Variants in TTC7B observed in about 807,000 individuals in gnomAD.
TTC7B encodes the protein tetratricopeptide repeat protein 7B.
A neutral mutation model predicts 106.8 loss-of-function variants in TTC7B; 28 were observed. That is an observed-to-expected ratio of 0.26 (90% CI 0.19 to 0.36). The LOEUF is 0.36. Among genes scored for constraint, TTC7B ranks in the 10% least tolerant of loss-of-function variants. The pLI, the probability that TTC7B is intolerant of heterozygous loss-of-function variation, is 1.00. For synonymous variants in TTC7B, 405 were observed against 430.6 expected (o/e 0.94, Z 0.74); for missense variants, 862 against 1,076.4 (o/e 0.80, Z 2.79).
chr14:90,810,989 G>A (rs1447340273), intron 1 of TTC7B, among the ~76,000 whole-genome samples: 1 of 152,206 alleles, frequency 6.6e-6, no homozygotes, highest in Non-Finnish European at 1.5e-5. Flanking sequence ...ATAAGGACAT[G>A]CTGGAAAGGT....
chr14:90,719,904 T>C (rs1888822286), intron 5 of TTC7B, among the ~76,000 whole-genome samples: 1 of 152,220 alleles, frequency 6.6e-6, no homozygotes, highest in Non-Finnish European at 1.5e-5. Flanking sequence ...TTGAGGATTC[T>C]TTTGGGTCTA....
chr14:90,749,598 T>C (rs759462329), intron 3 of TTC7B, among the ~76,000 whole-genome samples: 4 of 151,738 alleles, frequency 2.6e-5, no homozygotes, highest in Non-Finnish European at 5.9e-5. Flanking sequence ...AGAGATGGGG[T>C]TTCTCCATGT....
At position 90,600,836 on chromosome 14, in the gene TTC7B, C is replaced by T. The variant is rs1214323852; in HGVS notation, c.1967-7210G>A. On this transcript the variant is annotated intron_variant, in intron 17 of 19. Transcript: ENST00000328459. The surrounding 1 kb of genome is among the most constrained non-coding windows in gnomAD (Gnocchi z 4.3). ...GGTGGCTCTGCGCTAGAGACAGTAC[C>T]TTCTGGAGGACTACATTGGGCAGAT... Among the ~76,000 whole-genome samples the T allele has an allele frequency of 6.6e-6, 1 of 152,208 alleles. No homozygotes were observed. Among genetic ancestry groups the T allele is most frequent in the Non-Finnish European group, 1.5e-5 (1 of 68,036 alleles).
intron 19 of TTC7B, among the ~76,000 whole-genome samples, chr14:90,554,453 G>C (rs1890217078): frequency 6.6e-6 from 1 of 152,214 alleles, no homozygotes; most frequent in African/African-American, 2.4e-5. Flanking sequence ...TGTTCACTCT[G>C]CTCCAACCAA....
chr14:90,676,720 A>G, intron 8 of TTC7B, 60 bp from the exon 9 acceptor site: 1 of 1,582,542 alleles, frequency 6.3e-7, no homozygotes, highest in Non-Finnish European at 8.6e-7. Context: ...CATGGCGGGG[A>G]GTCCACCTAG....
chr14:90,623,313 G>C (rs1462483639), intron 15 of TTC7B, among the ~76,000 whole-genome samples: 1 of 151,772 alleles, frequency 6.6e-6, no homozygotes, highest in East Asian at 1.9e-4. Context: ...TGCAAATGAG[G>C]CTGAGTTAAG....
At chr14:90,665,334 G>T (rs1886368600) in intron 9 of TTC7B, among the ~76,000 whole-genome samples, 1 of 152,216 alleles carries the variant, frequency 6.6e-6, no homozygotes, top group South Asian at 2.1e-4. Flanking sequence ...AATCATTTAA[G>T]TGCGAGTCAA....
chr14:90,751,259 T>C (rs1348650451), intron 3 of TTC7B, among the ~76,000 whole-genome samples: 7 of 152,222 alleles, frequency 4.6e-5, no homozygotes, highest in Admixed American at 2.0e-4. Context: ...GCATGAGTGC[T>C]AAAAGTGGCT....
At position 90,623,380 on chromosome 14, in the gene TTC7B, T is replaced by G. The variant is rs767684115; in HGVS notation, c.1752-5335A>C. The stretch of plus-strand genomic sequence containing the variant: ...GGTAGAATGGAAATGTAAACCCAAA[T>G]CCATGTGAATAAGAAACAGAGAAGG... On this transcript the variant is annotated intron_variant, in intron 15 of 19. Transcript: ENST00000328459. 3.3e-5 allele frequency among the ~76,000 whole-genome samples: 5 copies of G among 152,074 alleles called. No individual in the cohort carries two copies. The East Asian group carries it at 9.6e-4, about 29-fold the overall frequency.
At chr14:90,594,540 G>A (rs1286469) in intron 17 of TTC7B, among the ~76,000 whole-genome samples, 1 of 152,046 alleles carries the variant, frequency 6.6e-6, no homozygotes, top group East Asian at 1.9e-4. Flanking sequence ...GATTTCAAGA[G>A]AGCAGTTGTT....
chr14:90,770,379 A>G (rs938968819), intron 3 of TTC7B, among the ~76,000 whole-genome samples: 2 of 152,202 alleles, frequency 1.3e-5, no homozygotes, highest in Non-Finnish European at 2.9e-5. Context: ...CAACCAGGCC[A>G]GGCGCGGTGG....
chr14:90,728,420 G>A (rs1057001483), intron 5 of TTC7B, among the ~76,000 whole-genome samples: 2 of 149,340 alleles, frequency 1.3e-5, no homozygotes, highest in African/African-American at 2.5e-5. Context: ...AGAGAGAAGA[G>A]CAAGAGGACA....
chr14:90,676,353 G>A, intron 9 of TTC7B, 170 bp downstream of exon 9: 2 of 627,344 alleles, frequency 3.2e-6, no homozygotes, highest in East Asian at 5.5e-5. Context: ...TAATCATTTA[G>A]CCCAAGGCCC....
chr14:90,676,464 G>A (rs1886842413), intron 9 of TTC7B, 59 bp downstream of exon 9: 17 of 1,591,154 alleles, frequency 1.1e-5, no homozygotes, highest in Non-Finnish European at 1.5e-5. Context: ...GCGCTTCCCT[G>A]GGGTCACCGT....
At chr14:90,741,529 T>C (rs1889764804) in intron 4 of TTC7B, among the ~76,000 whole-genome samples, 1 of 152,200 alleles carries the variant, frequency 6.6e-6, no homozygotes, top group Admixed American at 6.5e-5. Flanking sequence ...TGTGATTTCC[T>C]ACCTGGCAGG....
intron 16 of TTC7B, among the ~76,000 whole-genome samples, chr14:90,613,785 T>C (rs977503530): frequency 6.6e-6 from 1 of 152,156 alleles, no homozygotes; most frequent in East Asian, 1.9e-4. Flanking sequence ...CTGGTGAGTG[T>C]TGTAGTAGAG....
At chr14:90,581,567 C>T (rs543972587) in intron 18 of TTC7B, among the ~76,000 whole-genome samples, 13 of 152,194 alleles carry the variant, frequency 8.5e-5, no homozygotes, top group Non-Finnish European at 1.8e-4. Context: ...ACGCCTGGCT[C>T]CTGCCTCACT....
At chr14:90,694,264 G>A (rs1459676776) in intron 6 of TTC7B, among the ~76,000 whole-genome samples, 1 of 152,044 alleles carries the variant, frequency 6.6e-6, no homozygotes, top group Non-Finnish European at 1.5e-5. Context: ...ACCACGAATG[G>A]TATCATTCCA....
intron 15 of TTC7B, among the ~76,000 whole-genome samples, chr14:90,639,179 T>C (rs1272039780): frequency 6.6e-6 from 1 of 152,152 alleles, no homozygotes; most frequent in Admixed American, 6.5e-5. Context: ...GAAAGTACTG[T>C]CCATAAAGGA....
Sources: gnomAD v4.1 joint callset for allele counts (sites outside exome capture counted in the v4.1 genomes callset) on GRCh38, gnomAD v4.1.1 for gene constraint, Gnocchi (gnomAD v3.1) non-coding constraint, MANE v1.5 for transcripts, NCBI Gene and HGNC (gene_info 2026-07-23, HGNC 2026-07-21) for gene names.